ATP9B: variants seen among roughly 807,000 people sequenced by gnomAD.
The protein encoded by ATP9B is probable phospholipid-transporting ATPase IIB.
ATP9B carries 110 observed loss-of-function variants against 146.1 expected under a neutral mutation model. The observed-to-expected ratio is 0.75, with a 90% CI of 0.65 to 0.88. ATP9B has a LOEUF of 0.88. ATP9B is among the 40% of genes least tolerant of loss of function. ATP9B has a pLI of 0.00. For missense variants in ATP9B, 1,499 were observed against 1,496.4 expected (o/e 1.00, Z -0.03); for synonymous variants, 604 against 569.7 (o/e 1.06, Z -0.86).
At chr18:79,079,094 C>T (rs1458192867) in intron 1 of ATP9B, among the ~76,000 whole-genome samples, 1 of 152,146 alleles carries the variant, frequency 6.6e-6, no homozygotes, top group Non-Finnish European at 1.5e-5. Context: ...CAAGTCTTTG[C>T]TATTGTGAGT....
rs1038366952 is a variant in ATP9B, at chr18:79,377,503, G to C, written c.*120G>C. 3 of 1,324,548 alleles carry C rather than the reference G, an allele frequency of 2.3e-6. No homozygotes were observed. Among genetic ancestry groups the C allele is most frequent in the Middle Eastern group, 2.5e-4 (1 of 4,040 alleles). The allele number at this position is 1,324,548 out of a possible 1,614,324, so 82.0% of individuals were successfully genotyped here. A position where few individuals can be genotyped will look rare whatever the true frequency, so the allele number is the denominator to read the frequency against. On this transcript the variant is annotated 3_prime_UTR_variant, in exon 30 of 30. Transcript: ENST00000426216. ...CCAAGCAAGCACCACAAGAAAGGGA[G>C]GGTACGCCAGGCGAGCCCAGGGCAC...
chr18:79,199,452 A>G (rs1378848371), intron 9 of ATP9B, among the ~76,000 whole-genome samples: 1 of 152,104 alleles, frequency 6.6e-6, no homozygotes, highest in African/African-American at 2.4e-5. Flanking sequence ...TTACTTTTTA[A>G]ACTTTTTTTT....
intron 7 of ATP9B, among the ~76,000 whole-genome samples, chr18:79,161,325 T>C (rs2094876986): frequency 6.6e-6 from 1 of 152,184 alleles, no homozygotes; most frequent in South Asian, 2.1e-4. Flanking sequence ...TTGAAGGTCG[T>C]GGATCCCTTT....
At chr18:79,172,272 C>A (rs112333493) in intron 7 of ATP9B, among the ~76,000 whole-genome samples, 189 of 35,662 alleles carry the variant, frequency 5.3e-3, no homozygotes, top group South Asian at 7.6e-3. Context: ...CCGTGCCCCG[C>A]CCTTGCGATC....
At chr18:79,337,158 C>G in intron 18 of ATP9B, 121 bp from the exon 19 acceptor site, 1 of 1,289,750 alleles carries the variant, frequency 7.8e-7, no homozygotes, top group South Asian at 1.2e-5. Context: ...ACACACAGCA[C>G]GTACACGTGT....
intron 9 of ATP9B, among the ~76,000 whole-genome samples, chr18:79,205,285 A>G (rs1349614807): frequency 1.4e-5 from 1 of 71,720 alleles, no homozygotes; most frequent in Admixed American, 1.3e-4. Flanking sequence ...TCACAAATAA[A>G]CAAATCAAGT....
intron 25 of ATP9B, among the ~76,000 whole-genome samples, chr18:79,356,696 A>G (rs1166169249): frequency 6.9e-6 from 1 of 144,580 alleles, no homozygotes; most frequent in Non-Finnish European, 1.5e-5. Context: ...AAATGACCAG[A>G]TTAGAGATGG....
At chr18:79,327,437 C>CGTGGTT (rs1568695532) in intron 15 of ATP9B, among the ~76,000 whole-genome samples, 2 of 151,288 alleles carry the variant, frequency 1.3e-5, no homozygotes, top group African/African-American at 4.9e-5. Context: ...GCGTGCTCTC[C>CGTGGTT]ATGGTTAGTG....
At position 79,377,394 on chromosome 18, in the gene ATP9B, AC is replaced by A; in HGVS notation, c.*16del. 6.2e-7 allele frequency: 1 copy of A among 1,605,062 alleles called. No individual in the cohort carries two copies. Reference sequence around the variant, plus strand: ...AAGCTGGCCTCCTAAGGGGCTGTGCACCCCCAGCGGGCTGGCCCCAGCACCT... The same window carrying A: ...AAGCTGGCCTCCTAAGGGGCTGTGCACCCCAGCGGGCTGGCCCCAGCACCT... On this transcript the variant is annotated 3_prime_UTR_variant, in exon 30 of 30. Coordinates refer to ENST00000426216, the MANE Select transcript of ATP9B (RefSeq NM_198531.5).
chr18:79,189,287 C>T (rs1425097689), intron 8 of ATP9B, among the ~76,000 whole-genome samples: 1 of 152,064 alleles, frequency 6.6e-6, no homozygotes, highest in African/African-American at 2.4e-5. Flanking sequence ...GCGGAGGTTG[C>T]AGTGAGCCGA....
At chr18:79,225,287 T>A (rs375699403) in intron 11 of ATP9B, among the ~76,000 whole-genome samples, 1 of 152,236 alleles carries the variant, frequency 6.6e-6, no homozygotes, top group Non-Finnish European at 1.5e-5. Flanking sequence ...AACTAAAACA[T>A]GTATATAATA....
rs146250378 is a variant in ATP9B at position 79,337,324 on chromosome 18, A to T, written c.2158A>T (p.Lys720Ter). Residue 720 changes from lysine to a stop codon, truncating the protein, a stop_gained, in exon 19 of 30, where the codon AAG becomes TAG. Transcript: ENST00000426216. LOFTEE classifies it high-confidence loss of function. ...AKLSMHDRSL[K>*]VAAVVESLER... Reference sequence around the variant, plus strand: ...GCTGAGCATGCACGACAGGTCCCTCAAGGTGGCCGCGGTAGTCGAGAGCCT... The same window carrying T: ...GCTGAGCATGCACGACAGGTCCCTCTAGGTGGCCGCGGTAGTCGAGAGCCT... 8.7e-6 allele frequency: 14 copies of T among 1,613,986 alleles called. No individual in the cohort carries two copies. Among genetic ancestry groups the T allele is most frequent in the Non-Finnish European group, 9.3e-6 (11 of 1,180,036 alleles).
In ATP9B at chr18:79,310,796, T is replaced by G. The variant is rs189060849; in HGVS notation, c.1773+3562T>G. ...AGGCAGACTTCCAGGGGTTTTTTTT[T>G]GTTTCCTTTTTAAAAATACTTATCT... On this transcript the variant is annotated intron_variant, in intron 15 of 29. Coordinates refer to ENST00000426216, the MANE Select transcript of ATP9B (RefSeq NM_198531.5). 9.9e-3 allele frequency among the ~76,000 whole-genome samples: 1,508 copies of G among 152,082 alleles called. 13 individuals carry two copies. Among genetic ancestry groups the G allele is most frequent in the Non-Finnish European group, 0.015 (1,023 of 67,960 alleles).
At chr18:79,271,757 A>G (rs1233793237) in intron 12 of ATP9B, among the ~76,000 whole-genome samples, 1 of 152,160 alleles carries the variant, frequency 6.6e-6, no homozygotes, top group Non-Finnish European at 1.5e-5. Flanking sequence ...TATACCCAGT[A>G]ATGGGATGGC....
chr18:79,108,390 C>T (rs1404546362), intron 2 of ATP9B, among the ~76,000 whole-genome samples: 47 of 152,164 alleles, frequency 3.1e-4, no homozygotes, highest in Non-Finnish European at 3.1e-4. Flanking sequence ...TCCTACCCTA[C>T]CAAAAATATT....
At chr18:79,080,119 T>C (rs1486182177) in intron 1 of ATP9B, among the ~76,000 whole-genome samples, 2 of 152,234 alleles carry the variant, frequency 1.3e-5, no homozygotes, top group South Asian at 2.1e-4. Flanking sequence ...GTCTTGGCTA[T>C]GTGGGCTCTT....
intron 11 of ATP9B, among the ~76,000 whole-genome samples, chr18:79,227,733 C>T (rs186858138): frequency 6.6e-6 from 1 of 152,312 alleles, no homozygotes; most frequent in African/African-American, 2.4e-5. Flanking sequence ...TGCATGTGGG[C>T]TCCAGCCCAG....
At chr18:79,207,125 T>G in intron 10 of ATP9B, 113 bp downstream of exon 10, 1 of 998,734 alleles carries the variant, frequency 1.0e-6, no homozygotes. Flanking sequence ...TTTAGGGACC[T>G]TGCTAAACGC....
chr18:79,088,136 T>A (rs1168707756), intron 1 of ATP9B, among the ~76,000 whole-genome samples: 1 of 152,222 alleles, frequency 6.6e-6, no homozygotes, highest in African/African-American at 2.4e-5. Context: ...GTTCAAAGGC[T>A]CCATTTCTGG....
Sources: allele counts gnomAD v4.1 joint callset (sites outside exome capture counted in the v4.1 genomes callset), GRCh38; gene constraint gnomAD v4.1.1; transcripts MANE v1.5; gene names NCBI Gene and HGNC (gene_info 2026-07-23, HGNC 2026-07-21).